TMEM106B: variants seen among roughly 807,000 people sequenced by gnomAD.
TMEM106B encodes transmembrane protein 106B.
TMEM106B carries 15 observed loss-of-function variants against 31.1 expected under a neutral mutation model. The ratio of observed to expected loss-of-function variants is 0.48; its 90% CI spans 0.32 to 0.74. The LOEUF (loss-of-function observed/expected upper bound fraction) is 0.74. TMEM106B is among the 30% of genes least tolerant of loss of function. The pLI is 0.03. For missense variants in TMEM106B, 283 were observed against 327.3 expected, an observed-to-expected ratio of 0.86 and a Z score of 1.04; for synonymous variants, 126 against 112.5, an observed-to-expected ratio of 1.12 and a Z score of -0.76.
chr7:12,223,251 TA>T (rs1328268876), intron 3 of TMEM106B, among the ~76,000 whole-genome samples: 1 of 152,120 alleles, frequency 6.6e-6, no homozygotes, highest in African/African-American at 2.4e-5. Context: ...AAAAAAATCT[TA>T]AAAACTGAGT....
At position 12,242,392 on chromosome 7, in the gene TMEM106B, A is replaced by AT. The variant is rs1237122889; in HGVS notation, c.*10417_*10418insT. The stretch of plus-strand genomic sequence containing the variant: ...GAGACTCCGTCTCAAAAAAAAAAAA[A>AT]AAAAAAAAAAAAAAATACCCTTCTT... On this transcript the variant is annotated 3_prime_UTR_variant, in exon 8 of 8. Coordinates refer to ENST00000396668, the MANE Select transcript of TMEM106B (RefSeq NM_001134232.2). 1 of 37,844 alleles carries AT rather than the reference A, an allele frequency of 2.6e-5. No homozygotes were observed. Among genetic ancestry groups the AT allele is most frequent in the African/African-American group, 2.7e-4 (1 of 3,712 alleles). 2.3% of individuals were successfully genotyped at this position (37,844 alleles called of 1,614,324 possible). A position where few individuals can be genotyped will look rare whatever the true frequency, so the allele number is the denominator to read the frequency against.
In TMEM106B at chr7:12,241,470, C is replaced by T. The variant is rs1782235075; in HGVS notation, c.*9495C>T. The T allele has an allele frequency of 2.8e-5, 4 of 145,330 alleles. No individual in the cohort carries two copies. Among genetic ancestry groups the T allele is most frequent in the Admixed American group, 2.7e-4 (4 of 14,828 alleles). 9.0% of individuals were successfully genotyped at this position (145,330 alleles called of 1,614,324 possible). A position where few individuals can be genotyped will look rare whatever the true frequency, so the allele number is the denominator to read the frequency against. ...CCTGTGTCCATCTGTTCTCATTGTT[C>T]AACTCCCACTTATGAGTGGCAACAT... On this transcript the variant is annotated 3_prime_UTR_variant, in exon 8 of 8. Transcript: ENST00000396668.
chr7:12,232,013 T>C lies in TMEM106B; in HGVS notation c.*38T>C. 1 of 1,577,032 alleles carries C rather than the reference T, an allele frequency of 6.3e-7. No individual in the cohort carries two copies. The highest frequency in any genetic ancestry group is 8.7e-7 in the Non-Finnish European group (1 of 1,150,500). On this transcript the variant is annotated 3_prime_UTR_variant, in exon 8 of 8. Transcript: ENST00000396668. ...ATGGATTTAAAGAAGAAATATCTAT[T>C]GATATTTCCTATACTCTCAATGAAG...
intron 4 of TMEM106B, among the ~76,000 whole-genome samples, chr7:12,227,631 A>ATTTCAGGTTATT (rs377091203): frequency 0.092 from 13,827 of 150,288 alleles, 611 homozygotes; most frequent in South Asian, 0.15. Flanking sequence ...TTAGGAAAAC[A>ATTTCAGGTTATT]TCTTTGTGCT....
At chr7:12,218,806 G>T (rs943646648) in intron 3 of TMEM106B, among the ~76,000 whole-genome samples, 22 of 151,994 alleles carry the variant, frequency 1.4e-4, no homozygotes, top group African/African-American at 2.9e-4. Flanking sequence ...ATTAAAAATT[G>T]GATAATAAGG....
chr7:12,225,318 C>G (rs900562871), intron 4 of TMEM106B, among the ~76,000 whole-genome samples: 2 of 152,136 alleles, frequency 1.3e-5, no homozygotes, highest in Non-Finnish European at 2.9e-5. Context: ...AATAGTGCTG[C>G]AATAAACATA....
At chr7:12,229,420 C>A (rs60699002) in intron 4 of TMEM106B, among the ~76,000 whole-genome samples, 11,154 of 152,192 alleles carry the variant, frequency 0.073, 515 homozygotes, top group South Asian at 0.16. Context: ...GAATAGGAAA[C>A]AGCTTACTAA....
Position 12,238,408 on chromosome 7 carries a change from C to G in TMEM106B, c.*6433C>G, listed in dbSNP as rs910672633. On this transcript the variant is annotated 3_prime_UTR_variant, in exon 8 of 8. Coordinates refer to ENST00000396668, the MANE Select transcript of TMEM106B (RefSeq NM_001134232.2). ...GAAGTCATGAACCCCTCAAAATTAT[C>G]CATGAGAGTTGAAATCAATTTCTTT... is the stretch of plus-strand genomic sequence containing the variant. The G allele has an allele frequency of 6.6e-6, 1 of 152,164 alleles. No homozygotes were observed. Among genetic ancestry groups the G allele is most frequent in the African/African-American group, 2.4e-5 (1 of 41,432 alleles). The allele number at this position is 152,164 out of a possible 1,614,324, so 9.4% of individuals were successfully genotyped here. A position where few individuals can be genotyped will look rare whatever the true frequency, so the allele number is the denominator to read the frequency against.
intron 2 of TMEM106B, among the ~76,000 whole-genome samples, chr7:12,217,394 T>C (rs980065990): frequency 2.0e-5 from 3 of 152,192 alleles, no homozygotes; most frequent in Non-Finnish European, 2.9e-5. Flanking sequence ...GTTGAAGTTA[T>C]AAAATTGTGG....
chr7:12,221,805 A>G (rs968653244), intron 3 of TMEM106B, among the ~76,000 whole-genome samples: 2 of 152,170 alleles, frequency 1.3e-5, no homozygotes, highest in African/African-American at 4.8e-5. Context: ...GAGTACCAGA[A>G]GGTAGAGAGC....
At chr7:12,226,491 T>TA (rs1476854515) in intron 4 of TMEM106B, among the ~76,000 whole-genome samples, 5 of 152,122 alleles carry the variant, frequency 3.3e-5, no homozygotes, top group Non-Finnish European at 2.9e-5. Flanking sequence ...AAAGGGATAA[T>TA]ATTTATTGGC....
intron 4 of TMEM106B, among the ~76,000 whole-genome samples, chr7:12,228,026 A>T (rs890783520): frequency 5.9e-5 from 9 of 152,038 alleles, no homozygotes; most frequent in Admixed American, 5.9e-4. Context: ...CAGAAGATCC[A>T]TTGACCTCAA....
chr7:12,230,322 G>A lies in TMEM106B; in HGVS notation c.583-67G>A, dbSNP rs1292843043. ...AAAATTTCTAATTATTTGAAGTTAT[G>A]AAGTATATCTGAAATGTTTGATGTT... On this transcript the variant is annotated intron_variant, in intron 5 of 7. Transcript: ENST00000396668. 2.2e-5 allele frequency: 24 copies of A among 1,115,954 alleles called. 2 individuals are homozygous for A. In the South Asian group the frequency reaches 3.0e-4, roughly 14 times the overall value. 69.1% of individuals were successfully genotyped at this position (1,115,954 alleles called of 1,614,324 possible).
At chr7:12,226,593 G>C (rs987788781) in intron 4 of TMEM106B, among the ~76,000 whole-genome samples, 2 of 152,002 alleles carry the variant, frequency 1.3e-5, no homozygotes, top group African/African-American at 4.8e-5. Context: ...TTAAGGTTGA[G>C]GTAGAGATGT....
At chr7:12,230,623 A>G in intron 6 of TMEM106B, 185 bp downstream of exon 6, 1 of 431,560 alleles carries the variant, frequency 2.3e-6, no homozygotes, top group Non-Finnish European at 4.0e-6. Context: ...ATATATACAC[A>G]TAAAATTTGT....
chr7:12,226,659 G>A (rs897762501), intron 4 of TMEM106B, among the ~76,000 whole-genome samples: 31 of 151,518 alleles, frequency 2.0e-4, no homozygotes, highest in African/African-American at 7.5e-4. Flanking sequence ...GAAATGGAAT[G>A]GTATGTTAAA....
In TMEM106B at chr7:12,215,489, G is replaced by A. The variant is rs144533203; in HGVS notation, c.217+462G>A. The A allele has an allele frequency of 5.9e-4, 104 of 175,712 alleles. No homozygotes were observed. The East Asian group carries it at 0.014, about 24-fold the overall frequency. The allele number at this position is 175,712 out of a possible 1,614,324, so 10.9% of individuals were successfully genotyped here. A position where few individuals can be genotyped will look rare whatever the true frequency, so the allele number is the denominator to read the frequency against. ...TGTCCTCAAGCAATCCTCCCACCTC[G>A]GCTTCCCAGAGTGCTAGGATTATAG... On this transcript the variant is annotated intron_variant, in intron 2 of 7. Transcript: ENST00000396668.
chr7:12,218,463 G>A lies in TMEM106B; in HGVS notation c.223G>A (p.Glu75Lys). ...CTTACTTCTTTCACATTTAGGGCAA[G>A]AAAACCAACTGGTGGCATTGATTCC... ...QGTGRIPRGQ[E>K]NQLVALIPYS... The change falls in exon 3 of 8, where the codon GAA (glutamate) becomes AAA (lysine). Residue 75 changes from glutamate (E) to lysine (K), a missense_variant. Transcript: ENST00000396668. 3.1e-6 allele frequency: 5 copies of A among 1,612,262 alleles called. No individual in the cohort carries two copies. The highest frequency in any genetic ancestry group is 4.2e-6 in the Non-Finnish European group (5 of 1,179,116).
In TMEM106B at chr7:12,241,136, C is replaced by T. The variant is rs908725471; in HGVS notation, c.*9161C>T. 4 of 152,102 alleles carry T rather than the reference C, an allele frequency of 2.6e-5. No individual in the cohort carries two copies. The highest frequency in any genetic ancestry group is 6.6e-5 in the Admixed American group (1 of 15,256). The allele number at this position is 152,102 out of a possible 1,614,324, so 9.4% of individuals were successfully genotyped here. ...TTGGAAACCACTGATTTCTTATTTT[C>T]ATTTCATGAATTTCAGATTCATGAA... On this transcript the variant is annotated 3_prime_UTR_variant, in exon 8 of 8. Transcript: ENST00000396668.
Sources: gnomAD v4.1 joint callset for allele counts (sites outside exome capture counted in the v4.1 genomes callset) on GRCh38, gnomAD v4.1.1 for gene constraint, MANE v1.5 for transcripts, NCBI Gene and HGNC (gene_info 2026-07-23, HGNC 2026-07-21) for gene names.